The following LRP1B variants were observed in gnomAD, a reference collection of about 807,000 sequenced individuals.
LRP1B encodes LDL receptor related protein 1B.
A neutral mutation model predicts 556.6 loss-of-function variants in LRP1B; 217 were observed. The ratio of observed to expected loss-of-function variants is 0.39; its 90% CI spans 0.35 to 0.44. LRP1B has a LOEUF of 0.44. Among genes scored for constraint, LRP1B ranks in the 20% least tolerant of loss-of-function variants. The pLI is 1.00. For synonymous variants in LRP1B, 2,047 were observed against 1,865.8 expected (o/e 1.10, Z -2.50); for missense variants, 5,053 against 5,620.8 (o/e 0.90, Z 3.23).
intron 2 of LRP1B, among the ~76,000 whole-genome samples, chr2:141,727,585 T>C (rs1281864447): frequency 6.6e-6 from 1 of 152,162 alleles, no homozygotes; most frequent in Non-Finnish European, 1.5e-5. Flanking sequence ...GGTCTAGCCA[T>C]TTAATTGAAA....
intron 2 of LRP1B, among the ~76,000 whole-genome samples, chr2:141,707,380 A>G (rs1007788425): frequency 6.6e-6 from 1 of 152,100 alleles, no homozygotes; most frequent in Non-Finnish European, 1.5e-5. Flanking sequence ...ATAAAAATCC[A>G]TTCCTAGGAA....
chr2:142,064,760 A>G (rs1559051020), intron 1 of LRP1B, among the ~76,000 whole-genome samples: 1 of 151,566 alleles, frequency 6.6e-6, no homozygotes, highest in African/African-American at 2.4e-5. Context: ...TGTATCTATC[A>G]TTTTTTGTTT....
At chr2:141,806,186 A>C (rs991804151) in intron 2 of LRP1B, among the ~76,000 whole-genome samples, 2 of 152,114 alleles carry the variant, frequency 1.3e-5, no homozygotes, top group Admixed American at 6.6e-5. Flanking sequence ...TAAATCTTGA[A>C]TACCTCAGAA....
chr2:141,932,057 G>T (rs950567635), intron 1 of LRP1B, among the ~76,000 whole-genome samples: 12 of 152,064 alleles, frequency 7.9e-5, no homozygotes, highest in Non-Finnish European at 8.8e-5. Flanking sequence ...AGATTAGGAA[G>T]AGTCCAGTAA....
At chr2:141,189,025 G>A (rs113181644) in intron 6 of LRP1B, among the ~76,000 whole-genome samples, 1 of 152,060 alleles carries the variant, frequency 6.6e-6, no homozygotes, top group Non-Finnish European at 1.5e-5. Flanking sequence ...AAGAAGGAAA[G>A]GGTGGAGAAG....
At chr2:140,671,946 C>T (rs1685500536) in intron 41 of LRP1B, among the ~76,000 whole-genome samples, 1 of 152,110 alleles carries the variant, frequency 6.6e-6, no homozygotes, top group Admixed American at 6.5e-5. Flanking sequence ...AGTCTCAAAT[C>T]ATTAATAGCA....
At position 141,936,537 on chromosome 2, in the gene LRP1B, C is replaced by A. The variant is rs1221096622; in HGVS notation, c.83-126136G>T. On this transcript the variant is annotated intron_variant, in intron 1 of 90. Coordinates refer to ENST00000389484, the MANE Select transcript of LRP1B (RefSeq NM_018557.3). ...CGAATAAACCAACTCTGCCTTTAGA[C>A]TTTCCAGCCTCCAGAATAGTGAGAA... Among the ~76,000 whole-genome samples the A allele has an allele frequency of 2.6e-5, 4 of 152,290 alleles. No individual in the cohort carries two copies. In the South Asian group the frequency reaches 6.2e-4, roughly 24 times the overall value.
intron 84 of LRP1B, among the ~76,000 whole-genome samples, chr2:140,278,253 A>T (rs752646261): frequency 6.6e-6 from 1 of 151,990 alleles, no homozygotes; most frequent in Non-Finnish European, 1.5e-5. Flanking sequence ...GAACTTTTGC[A>T]GTGCTGATAA....
At chr2:142,004,012 C>T (rs1373035068) in intron 1 of LRP1B, among the ~76,000 whole-genome samples, 4 of 152,162 alleles carry the variant, frequency 2.6e-5, no homozygotes, top group Non-Finnish European at 5.9e-5. Context: ...GAGGGAATAA[C>T]ACACTTCTCT....
At chr2:141,355,356 C>T (rs1688588772) in intron 3 of LRP1B, among the ~76,000 whole-genome samples, 1 of 151,742 alleles carries the variant, frequency 6.6e-6, no homozygotes, top group Admixed American at 6.6e-5. Context: ...TGTACAATTC[C>T]CTGGTTTTGA....
intron 7 of LRP1B, among the ~76,000 whole-genome samples, chr2:141,186,757 C>A (rs1681277120): frequency 6.6e-6 from 1 of 151,980 alleles, no homozygotes; most frequent in South Asian, 2.1e-4. Flanking sequence ...AAATATGGTT[C>A]TTTCATACAA....
chr2:140,440,023 T>C (rs191323449), intron 66 of LRP1B, among the ~76,000 whole-genome samples: 75 of 152,194 alleles, frequency 4.9e-4, no homozygotes, highest in African/African-American at 1.8e-3. Context: ...ATAATTTAAA[T>C]AAAAACAGAA....
chr2:140,926,973 G>T (rs1694905114), intron 20 of LRP1B, among the ~76,000 whole-genome samples: 2 of 152,010 alleles, frequency 1.3e-5, no homozygotes, highest in Admixed American at 6.6e-5. Flanking sequence ...ATTGAACCCA[G>T]TGGAAAAAGG....
At chr2:140,600,766 G>GTTTTTTTTTTTTTTT (rs1558996101) in intron 42 of LRP1B, among the ~76,000 whole-genome samples, 2 of 46,172 alleles carry the variant, frequency 4.3e-5, no homozygotes, top group African/African-American at 8.2e-5. Context: ...TGTTCTTCGG[G>GTTTTTTTTTTTTTTT]GTTTTTTTTT....
At chr2:141,798,910 C>T (rs1695911871) in intron 2 of LRP1B, among the ~76,000 whole-genome samples, 1 of 151,594 alleles carries the variant, frequency 6.6e-6, no homozygotes, top group Non-Finnish European at 1.5e-5. Flanking sequence ...TCCAATATGA[C>T]TGGTGCCCTT....
chr2:140,350,519 T>C lies in LRP1B; in HGVS notation c.11892+278A>G, dbSNP rs188637086. ...TGTTCATAATAATTGTAAAGCACTATGAAATAGATGTTCTGGAGATGTTAT... is the reference window on the plus strand; with the variant it reads ...TGTTCATAATAATTGTAAAGCACTACGAAATAGATGTTCTGGAGATGTTAT... On this transcript the variant is annotated intron_variant, in intron 77 of 90. Transcript: ENST00000389484. Among the ~76,000 whole-genome samples the C allele has an allele frequency of 6.6e-5, 10 of 152,174 alleles. No individual in the cohort carries two copies. The East Asian group carries it at 1.9e-3, about 29-fold the overall frequency.
intron 55 of LRP1B, among the ~76,000 whole-genome samples, chr2:140,496,892 AATTTATTT>A (rs141106287): frequency 0.061 from 8,932 of 147,094 alleles, 311 homozygotes; most frequent in Non-Finnish European, 0.063. Context: ...ATTTGGATAA[AATTTATTT>A]ATTTATTTAT....
intron 1 of LRP1B, among the ~76,000 whole-genome samples, chr2:142,056,733 T>C (rs1252839360): frequency 7.9e-6 from 1 of 126,562 alleles, no homozygotes; most frequent in African/African-American, 2.6e-5. Flanking sequence ...GCAAAATGCA[T>C]GAGATTATTA....
At chr2:140,535,004 G>T (rs532269461) in intron 46 of LRP1B, among the ~76,000 whole-genome samples, 2 of 152,134 alleles carry the variant, frequency 1.3e-5, no homozygotes, top group Non-Finnish European at 2.9e-5. Flanking sequence ...TCTACACCTG[G>T]CATTGGCAAA....
Sources: gnomAD v4.1 joint callset for allele counts (sites outside exome capture counted in the v4.1 genomes callset) on GRCh38, gnomAD v4.1.1 for gene constraint, MANE v1.5 for transcripts, NCBI Gene and HGNC (gene_info 2026-07-23, HGNC 2026-07-21) for gene names.